Variants in RUNX1T1 observed in about 807,000 individuals in gnomAD.
RUNX1T1 encodes protein CBFA2T1.
A neutral mutation model predicts 62.8 loss-of-function variants in RUNX1T1; 4 were observed. The ratio of observed to expected loss-of-function variants is 0.06; its 90% CI spans 0.03 to 0.15. RUNX1T1 has a LOEUF of 0.15. RUNX1T1 is among the 10% of genes least tolerant of loss of function. The probability of loss-of-function intolerance (pLI) is 1.00; values close to 1 mark genes in which losing one functional copy is unlikely to be tolerated. For missense variants in RUNX1T1, 508 were observed against 754.3 expected, an observed-to-expected ratio of 0.67 and a Z score of 3.82; for synonymous variants, 291 against 286.0, an observed-to-expected ratio of 1.02 and a Z score of -0.18.
intron 3 of RUNX1T1, among the ~76,000 whole-genome samples, chr8:92,012,818 A>G (rs926528999): frequency 6.6e-6 from 1 of 151,442 alleles, no homozygotes; most frequent in African/African-American, 2.4e-5. Flanking sequence ...CTTGTAAGCC[A>G]AATGTTTAAC....
At chr8:92,015,588 T>A (rs558189154) in intron 2 of RUNX1T1, among the ~76,000 whole-genome samples, 2 of 152,264 alleles carry the variant, frequency 1.3e-5, no homozygotes, top group Admixed American at 1.3e-4. Context: ...TGTACATTAA[T>A]AAGTACATAA....
At chr8:92,057,528 A>T (rs1254647720) in intron 1 of RUNX1T1, among the ~76,000 whole-genome samples, 1 of 152,194 alleles carries the variant, frequency 6.6e-6, no homozygotes, top group African/African-American at 2.4e-5. Context: ...GGCTTTCAAT[A>T]AAAGGCTGCT....
intron 4 of RUNX1T1, 186 bp from the exon 6 acceptor site, chr8:92,005,483 T>C: frequency 1.8e-6 from 1 of 559,804 alleles, no homozygotes; most frequent in Non-Finnish European, 3.1e-6. Flanking sequence ...CAGATTGCCC[T>C]AAGTGTGAGG....
At chr8:91,961,160 G>A (rs1757903532) in intron 10 of RUNX1T1, among the ~76,000 whole-genome samples, 2 of 152,206 alleles carry the variant, frequency 1.3e-5, no homozygotes, top group African/African-American at 4.8e-5. Flanking sequence ...TCAGCTCCCT[G>A]GAGGACAGGA....
In RUNX1T1 at chr8:92,069,408, TA is replaced by T. The variant is rs376981215; in HGVS notation, c.88+6556del. Among the ~76,000 whole-genome samples the T allele has an allele frequency of 1.7e-3, 255 of 146,638 alleles. 1 individual carries two copies. Among genetic ancestry groups the T allele is most frequent in the African/African-American group, 3.7e-3 (148 of 40,344 alleles). ...ACCAGGTGGAGCAAATACACAGCAA[TA>T]AAAAAAAAAATCCCAGAATTTTTTT... On this transcript the variant is annotated intron_variant, in intron 2 of 11. Coordinates refer to the RUNX1T1 transcript ENST00000265814.
chr8:92,080,327 T>C (rs1052212820), intron 1 of RUNX1T1, among the ~76,000 whole-genome samples: 1 of 152,238 alleles, frequency 6.6e-6, no homozygotes, highest in Non-Finnish European at 1.5e-5. Context: ...TATAGTACTT[T>C]GGGTCTACAT....
intron 1 of RUNX1T1, among the ~76,000 whole-genome samples, chr8:92,031,797 C>T (rs565341806): frequency 6.6e-6 from 1 of 152,102 alleles, no homozygotes; most frequent in African/African-American, 2.4e-5. Flanking sequence ...CATGACAAGG[C>T]CGGGCGTTTA....
At chr8:92,020,246 A>T (rs1274903276) in intron 1 of RUNX1T1, among the ~76,000 whole-genome samples, 2 of 152,220 alleles carry the variant, frequency 1.3e-5, no homozygotes, top group Admixed American at 6.5e-5. Flanking sequence ...AATGTGTTTC[A>T]AGTATGCTGA....
Position 92,076,577 on chromosome 8 carries a change from T to A in RUNX1T1, c.-85-440A>T, listed in dbSNP as rs985424196. On this transcript the variant is annotated intron_variant, in intron 1 of 11. Coordinates refer to the RUNX1T1 transcript ENST00000265814. ...AATCCTGTTTCAAAACAAAGTGGTT[T>A]GTTTCATTATTCAAATTTTGTTTCG... 2.6e-5 allele frequency among the ~76,000 whole-genome samples: 4 copies of A among 152,174 alleles called. No individual in the cohort carries two copies. The South Asian group carries it at 8.3e-4, about 31-fold the overall frequency.
At chr8:92,045,575 C>T (rs886115992) in intron 1 of RUNX1T1, among the ~76,000 whole-genome samples, 2 of 152,166 alleles carry the variant, frequency 1.3e-5, no homozygotes, top group Non-Finnish European at 2.9e-5. Flanking sequence ...CAAATAATGA[C>T]ACTCATTCAA....
At chr8:92,007,590 G>T (rs1238356321) in intron 4 of RUNX1T1, among the ~76,000 whole-genome samples, 1 of 152,072 alleles carries the variant, frequency 6.6e-6, no homozygotes, top group African/African-American at 2.4e-5. Flanking sequence ...CTTAAACCTA[G>T]TACTACACAC....
At chr8:92,003,997 T>C (rs1820252972) in intron 5 of RUNX1T1, among the ~76,000 whole-genome samples, 1 of 152,178 alleles carries the variant, frequency 6.6e-6, no homozygotes, top group Non-Finnish European at 1.5e-5. Flanking sequence ...GATTGTAGCA[T>C]AAAAACTGCT....
Position 91,988,438 on chromosome 8 carries a change from C to T in RUNX1T1, c.911-1466G>A, listed in dbSNP as rs548575303. 1.4e-4 allele frequency among the ~76,000 whole-genome samples: 21 copies of T among 152,220 alleles called. No homozygotes were observed. The South Asian group carries it at 1.9e-3, about 14-fold the overall frequency. On this transcript the variant is annotated intron_variant, in intron 6 of 10. Transcript: ENST00000396218. ...GGGAAAGAATAGTATTTAGCTACTG[C>T]TCTGTTGTGATTATTTCAAGTTGAA...
intron 6 of RUNX1T1, among the ~76,000 whole-genome samples, chr8:91,987,619 T>C (rs1007248776): frequency 6.6e-6 from 1 of 152,084 alleles, no homozygotes; most frequent in Non-Finnish European, 1.5e-5. Flanking sequence ...TTGACAAATA[T>C]CATAAATCCA....
Position 92,011,232 on chromosome 8 carries a change from C to A in RUNX1T1, c.388-141G>T, listed in dbSNP as rs909349279. The A allele has an allele frequency of 1.2e-5, 7 of 589,396 alleles. No homozygotes were observed. In the African/African-American group the frequency reaches 1.3e-4, roughly 11 times the overall value. 36.5% of individuals were successfully genotyped at this position (589,396 alleles called of 1,614,324 possible). A position where few individuals can be genotyped will look rare whatever the true frequency, so the allele number is the denominator to read the frequency against. ...ACAGAAACCAGTATTTTCAATAAAACCTATTGACTTTGTAAAAATGATCAC... is the reference window on the plus strand; with the variant it reads ...ACAGAAACCAGTATTTTCAATAAAAACTATTGACTTTGTAAAAATGATCAC... On this transcript the variant is annotated intron_variant, in intron 3 of 10. Coordinates refer to ENST00000396218, the Ensembl canonical transcript of RUNX1T1.
chr8:92,033,887 T>C (rs1335765972), intron 1 of RUNX1T1, among the ~76,000 whole-genome samples: 1 of 152,034 alleles, frequency 6.6e-6, no homozygotes, highest in East Asian at 1.9e-4. Context: ...AAGAATTGTT[T>C]GAACCTGGGA....
At chr8:92,075,800 C>T (rs1834332807) in intron 2 of RUNX1T1, among the ~76,000 whole-genome samples, 165 bp downstream of exon 2, 1 of 152,116 alleles carries the variant, frequency 6.6e-6, no homozygotes, top group Non-Finnish European at 1.5e-5. Context: ...CCAATCCCCA[C>T]ACCCAAAGAT....
chr8:92,040,480 G>A (rs1298959014), intron 1 of RUNX1T1, among the ~76,000 whole-genome samples: 1 of 152,020 alleles, frequency 6.6e-6, no homozygotes, highest in Non-Finnish European at 1.5e-5. Context: ...AATACACTGT[G>A]GCAAACTGCT....
intron 1 of RUNX1T1, among the ~76,000 whole-genome samples, chr8:92,031,351 T>A (rs1826190674): frequency 6.6e-6 from 1 of 152,180 alleles, no homozygotes; most frequent in Non-Finnish European, 1.5e-5. Flanking sequence ...ACCAGTAGAT[T>A]TTTTTCTAGA....
Sources: allele counts gnomAD v4.1 joint callset (sites outside exome capture counted in the v4.1 genomes callset), GRCh38; gene constraint gnomAD v4.1.1; transcripts MANE v1.5; gene names NCBI Gene and HGNC (gene_info 2026-07-23, HGNC 2026-07-21).